TUBGCP5: variants seen among roughly 807,000 people sequenced by gnomAD.
The protein encoded by TUBGCP5 is tubulin gamma complex component 5, also known as gamma-tubulin complex component 5.
Under a neutral mutation model 134.7 loss-of-function variants are expected in TUBGCP5, and 98 were observed. The ratio of observed to expected loss-of-function variants is 0.73; its 90% CI spans 0.62 to 0.86. The LOEUF (loss-of-function observed/expected upper bound fraction) is 0.86. Ranked by LOEUF, TUBGCP5 falls within the 40% of genes least tolerant of loss-of-function variation. TUBGCP5 has a pLI of 0.00. For synonymous variants in TUBGCP5, 456 were observed against 431.4 expected (o/e 1.06, Z -0.71); for missense variants, 1,150 against 1,244.8 (o/e 0.92, Z 1.15).
At chr15:22,991,008 G>A (rs977336159) in intron 23 of TUBGCP5, among the ~76,000 whole-genome samples, 1 of 152,172 alleles carries the variant, frequency 6.6e-6, no homozygotes, top group Non-Finnish European at 1.5e-5. Flanking sequence ...AGAACTTCAA[G>A]AGAATGAATA....
At chr15:23,005,022 GTTT>G (rs1371192181) in intron 19 of TUBGCP5, among the ~76,000 whole-genome samples, 1 of 152,160 alleles carries the variant, frequency 6.6e-6, no homozygotes, top group Non-Finnish European at 1.5e-5. Context: ...GTGAGTTCTT[GTTT>G]TTAAGAAAAA....
Position 23,022,053 on chromosome 15 carries a change from T to C in TUBGCP5, c.1277A>G (p.Asp426Gly), listed in dbSNP as rs904100752. The part of the protein sequence containing the change: ...FSTGVAEVPP[D>G]TRNVVRASHL... ...AGAGGCCCGGACGACATTTCGAGTA[T>C]CAGGTGGAACTTCTGCTACTCCAGT... is the stretch of plus-strand genomic sequence containing the variant. The change falls in exon 11 of 23, where the codon GAT (aspartate) becomes GGT (glycine). Residue 426 changes from aspartate (D) to glycine (G), a missense_variant. Asp to Gly is a moderately conservative substitution (Grantham distance 94). This residue lies in a region of TUBGCP5 where 697 missense variants were observed against 850.1 expected (regional missense o/e 0.82). Transcript: ENST00000615383. The C allele has an allele frequency of 6.2e-7, 1 of 1,614,004 alleles. No homozygotes were observed. The highest frequency in any genetic ancestry group is 1.3e-5 in the African/African-American group (1 of 74,904).
At chr15:22,988,400 T>C (rs1239062398) in intron 23 of TUBGCP5, among the ~76,000 whole-genome samples, 5 of 151,852 alleles carry the variant, frequency 3.3e-5, no homozygotes, top group African/African-American at 1.2e-4. Context: ...CTGCCTTGAA[T>C]TTTGGCCTTC....
intron 3 of TUBGCP5, among the ~76,000 whole-genome samples, chr15:23,035,681 C>T (rs79203281): frequency 0.037 from 5,561 of 152,166 alleles, 250 homozygotes; most frequent in African/African-American, 0.11. Flanking sequence ...TATTGGTACT[C>T]GTCCACCATG....
chr15:23,030,085 C>T (rs879354077), intron 6 of TUBGCP5, among the ~76,000 whole-genome samples: 5 of 152,124 alleles, frequency 3.3e-5, no homozygotes, highest in Admixed American at 6.5e-5. Context: ...GTTCCAGCTA[C>T]TCAGGAGGCT....
In TUBGCP5 at chr15:23,010,188, C is replaced by G. The variant is rs192300484; in HGVS notation, c.1956-55G>C. 3.2e-6 allele frequency: 5 copies of G among 1,540,886 alleles called. No homozygotes were observed. The Admixed American group carries it at 9.4e-5, about 29-fold the overall frequency. ...TATGAGCTGCTGTCAACAGAACTCT[C>G]TTAAATCAAAACCCTGAAGTTCCAT... On this transcript the variant is annotated intron_variant, in intron 14 of 22. Coordinates refer to ENST00000615383, the MANE Select transcript of TUBGCP5 (RefSeq NM_052903.6).
intron 13 of TUBGCP5, among the ~76,000 whole-genome samples, chr15:23,016,829 G>A (rs570779471): frequency 1.1e-3 from 174 of 151,588 alleles, no homozygotes; most frequent in African/African-American, 4.0e-3. Flanking sequence ...CCCACTGGTG[G>A]GCATTTATCC....
rs986994507 is a variant in TUBGCP5, at chr15:23,030,897, T to C, written c.610A>G (p.Ile204Val). ...TAACACATAATACCTTTCCAACTGA[T>C]ACAAGGATCCAGTTTTCTGTTTTGA... Reference protein sequence around the residue: ...QDQNRKLDPCISWKDEPDDRS... With the variant: ...QDQNRKLDPCVSWKDEPDDRS... The change falls in exon 6 of 23, where the codon ATC becomes GTC. Residue 204 changes from isoleucine to valine, a missense_variant. Ile to Val is a conservative substitution (Grantham distance 29). Coordinates refer to ENST00000615383, the MANE Select transcript of TUBGCP5 (RefSeq NM_052903.6). 6.2e-7 allele frequency: 1 copy of C among 1,611,720 alleles called. No individual in the cohort carries two copies. The highest frequency in any genetic ancestry group is 8.5e-7 in the Non-Finnish European group (1 of 1,179,528).
At chr15:23,003,256 A>C in intron 20 of TUBGCP5, 103 bp from the exon 21 acceptor site, 1 of 1,107,202 alleles carries the variant, frequency 9.0e-7, no homozygotes, top group African/African-American at 1.5e-5. Flanking sequence ...GTTCATCACC[A>C]CAGTGACTGC....
intron 16 of TUBGCP5, among the ~76,000 whole-genome samples, chr15:23,007,303 T>G (rs1008963957): frequency 2.0e-5 from 3 of 152,004 alleles, no homozygotes; most frequent in African/African-American, 4.8e-5. Context: ...GGCAGGAAAA[T>G]GGCATGAACC....
chr15:23,015,169 T>C (rs1313345843), intron 13 of TUBGCP5, among the ~76,000 whole-genome samples: 3 of 151,910 alleles, frequency 2.0e-5, no homozygotes, highest in Non-Finnish European at 4.4e-5. Context: ...ACTGCAAACC[T>C]CCGCCTTCCG....
rs775391791 is a variant in TUBGCP5 at position 23,006,343 on chromosome 15, TATAG to T, written c.2333_2336del (p.Ser778TyrfsTer18). ...TAGCTGTGTCAACATTTTCAAAAGA[TATAG>T]ATAGACTAAAGAAAGAAATTCCAGT... On this transcript the variant is annotated frameshift_variant, in exon 17 of 23. Coordinates refer to ENST00000615383, the MANE Select transcript of TUBGCP5 (RefSeq NM_052903.6). LOFTEE classifies it high-confidence loss of function. 3 of 1,601,110 alleles carry T rather than the reference TATAG, an allele frequency of 1.9e-6. No homozygotes were observed. Among genetic ancestry groups the T allele is most frequent in the Admixed American group, 1.8e-5 (1 of 55,556 alleles).
intron 23 of TUBGCP5, among the ~76,000 whole-genome samples, chr15:22,985,490 T>A (rs1464132428): frequency 6.6e-6 from 1 of 152,138 alleles, no homozygotes; most frequent in East Asian, 1.9e-4. Flanking sequence ...AGTGCTAGGA[T>A]TACAGGCATG....
At chr15:22,985,841 A>G (rs1386957291) in intron 23 of TUBGCP5, among the ~76,000 whole-genome samples, 6 of 150,106 alleles carry the variant, frequency 4.0e-5, no homozygotes, top group Non-Finnish European at 7.4e-5. Context: ...TCTCAAAAAA[A>G]AGAAATAATA....
chr15:23,022,231 T>C, intron 10 of TUBGCP5, 70 bp from the exon 11 acceptor site: 2 of 1,522,760 alleles, frequency 1.3e-6, no homozygotes, highest in East Asian at 4.5e-5. Flanking sequence ...ACATAAATGC[T>C]GGCAAATCAT....
In TUBGCP5 at chr15:23,024,102, C is replaced by T. The variant is rs1171125748; in HGVS notation, c.1013G>A (p.Ser338Asn). ...QEFIDEVMGH[S>N]SESMLPGSGS... ...ACTTCCAGGCAGCATGCTCTCAGAA[C>T]TGTGTCCCATGACTTCATCAATGAA... Residue 338 changes from serine to asparagine, a missense_variant, in exon 10 of 23, where the codon AGT (serine) becomes AAT (asparagine). By Grantham distance (46) the Ser-to-Asn change is conservative. This residue lies in a region of TUBGCP5 where 697 missense variants were observed against 850.1 expected (regional missense o/e 0.82). Transcript: ENST00000615383. The T allele has an allele frequency of 6.2e-7, 1 of 1,614,052 alleles. No homozygotes were observed. The highest frequency in any genetic ancestry group is 8.5e-7 in the Non-Finnish European group (1 of 1,180,020).
downstream of TUBGCP5, among the ~76,000 whole-genome samples, chr15:22,998,083 G>A (rs948562450): frequency 6.6e-6 from 1 of 152,148 alleles, no homozygotes; most frequent in Non-Finnish European, 1.5e-5. Flanking sequence ...GGGAGGCTAA[G>A]GCGGGTGGAT....
chr15:23,011,029 C>A (rs2065003839), intron 14 of TUBGCP5, 104 bp downstream of exon 14: 2 of 1,093,328 alleles, frequency 1.8e-6, no homozygotes, highest in Non-Finnish European at 2.7e-6. Flanking sequence ...GGATAGCCTA[C>A]AAGAGTTTTT....
At chr15:23,039,304 C>G (rs2066781631) in intron 1 of TUBGCP5, 94 bp downstream of exon 1, 4 of 1,216,630 alleles carry the variant, frequency 3.3e-6, no homozygotes, top group Non-Finnish European at 4.1e-6. Context: ...CGCCCCATGC[C>G]CTGCCCCAGC....
Sources: gnomAD v4.1 joint callset for allele counts (sites outside exome capture counted in the v4.1 genomes callset) on GRCh38, gnomAD v4.1.1 for gene constraint, gnomAD v4.1.1 regional missense constraint, MANE v1.5 for transcripts, NCBI Gene and HGNC (gene_info 2026-07-23, HGNC 2026-07-21) for gene names.